The following FERRY3 variants were observed in gnomAD, a reference collection of about 807,000 sequenced individuals.
FERRY3 encodes FERRY endosomal RAB5 effector complex subunit 3.
the FERRY3 span, among the ~76,000 whole-genome samples, chr12:4,495,472 C>T: frequency 6.6e-6 from 1 of 152,234 alleles, no homozygotes; most frequent in East Asian, 1.9e-4. Context: ...TTATTTCAGG[C>T]TAAGGTCAAG....
chr12:4,493,410 T>C, the FERRY3 span, among the ~76,000 whole-genome samples: 15 of 152,234 alleles, frequency 9.9e-5, no homozygotes, highest in Non-Finnish European at 5.9e-5. Context: ...CATGGACATT[T>C]AAAAAGAATG....
At chr12:4,505,178 G>A in the FERRY3 span, 2 of 663,914 alleles carry the variant, frequency 3.0e-6, no homozygotes, top group East Asian at 2.7e-5. Context: ...GGTACAAAGT[G>A]TTGTTTCAAA....
the FERRY3 span, chr12:4,509,367 C>CG: frequency 5.9e-6 from 1 of 170,086 alleles, no homozygotes; most frequent in Non-Finnish European, 1.2e-5. Flanking sequence ...ACAAAGCAGC[C>CG]GGGAAGCTCC....
the FERRY3 span, among the ~76,000 whole-genome samples, chr12:4,510,114 C>A: frequency 2.2e-5 from 3 of 139,236 alleles, no homozygotes; most frequent in African/African-American, 9.2e-5. Flanking sequence ...GCCTCAGGAG[C>A]CGATGCGATC....
chr12:4,521,272 T>C, the FERRY3 span, among the ~76,000 whole-genome samples: 2 of 152,184 alleles, frequency 1.3e-5, no homozygotes, highest in East Asian at 3.9e-4. Context: ...GGCAGGAGAA[T>C]TGCTTGAACG....
chr12:4,522,404 A>G, the FERRY3 span, among the ~76,000 whole-genome samples: 14 of 152,330 alleles, frequency 9.2e-5, no homozygotes, highest in East Asian at 2.7e-3. Flanking sequence ...ATAAGAAGAC[A>G]CATTTTTCCA....
the FERRY3 span, among the ~76,000 whole-genome samples, chr12:4,523,666 G>A: frequency 1.3e-5 from 2 of 152,164 alleles, no homozygotes; most frequent in African/African-American, 2.4e-5. Flanking sequence ...GTAGGGATAT[G>A]GATGAAGCTG....
At chr12:4,495,370 T>C in the FERRY3 span, among the ~76,000 whole-genome samples, 27 of 152,334 alleles carry the variant, frequency 1.8e-4, 1 homozygote, top group Middle Eastern at 3.4e-3. Context: ...ACTGTTTTAA[T>C]GAAGCACTCA....
chr12:4,515,339 C>T, the FERRY3 span, among the ~76,000 whole-genome samples: 134 of 152,170 alleles, frequency 8.8e-4, 2 homozygotes, highest in African/African-American at 3.1e-3. Flanking sequence ...TGTATATATC[C>T]GAAGGAAATG....
chr12:4,492,517 T>C, the FERRY3 span, among the ~76,000 whole-genome samples: 2 of 152,216 alleles, frequency 1.3e-5, no homozygotes, highest in African/African-American at 4.8e-5. Flanking sequence ...GATTATTAAT[T>C]ACCAAACCTT....
At chr12:4,490,683 C>T in the FERRY3 span, 3 of 979,598 alleles carry the variant, frequency 3.1e-6, no homozygotes, top group South Asian at 1.5e-5. Flanking sequence ...CACTGTGGGG[C>T]TTCATGTCTT....
chr12:4,498,012 A>G, the FERRY3 span, among the ~76,000 whole-genome samples: 1 of 152,244 alleles, frequency 6.6e-6, no homozygotes, highest in South Asian at 2.1e-4. Flanking sequence ...ATGGATGTTT[A>G]AATACAACAA....
chr12:4,525,331 G>A, the FERRY3 span: 6 of 1,613,382 alleles, frequency 3.7e-6, no homozygotes, highest in South Asian at 5.5e-5. Flanking sequence ...GTTTTTGGAT[G>A]GCAGTTGATT....
the FERRY3 span, among the ~76,000 whole-genome samples, chr12:4,499,397 T>G: frequency 6.6e-6 from 1 of 152,188 alleles, no homozygotes; most frequent in Non-Finnish European, 1.5e-5. Context: ...CTATGACTTG[T>G]CTGGACCTGT....
the FERRY3 span, chr12:4,500,446 A>T: frequency 1.1e-6 from 1 of 942,812 alleles, no homozygotes; most frequent in South Asian, 1.5e-5. Flanking sequence ...TTGAACTAGT[A>T]GGGGTGTATC....
chr12:4,490,820 T>C, the FERRY3 span, among the ~76,000 whole-genome samples: 5 of 152,188 alleles, frequency 3.3e-5, no homozygotes, highest in African/African-American at 7.2e-5. Context: ...TTATTTATGA[T>C]TTCTCAAATC....
the FERRY3 span, among the ~76,000 whole-genome samples, chr12:4,528,621 G>A: frequency 5.0e-4 from 76 of 152,110 alleles, no homozygotes; most frequent in African/African-American, 1.5e-3. Context: ...GAGAATAAGT[G>A]GTCCAGAGGA....
the FERRY3 span, among the ~76,000 whole-genome samples, chr12:4,513,292 A>G: frequency 6.6e-6 from 1 of 151,190 alleles, no homozygotes; most frequent in African/African-American, 2.4e-5. Context: ...GGAAGAATCA[A>G]TATCGTGAAA....
the FERRY3 span, chr12:4,530,169 T>TATATATGTGTGTGTAA: frequency 1.2e-6 from 1 of 823,786 alleles, no homozygotes; most frequent in Non-Finnish European, 1.8e-6. Flanking sequence ...CCCTCTTATA[T>TATATATGTGTGTGTAA]ATATATGTGT....
Sources: gnomAD v4.1 joint callset for allele counts (sites outside exome capture counted in the v4.1 genomes callset) on GRCh38, gnomAD v4.1.1 for gene constraint, MANE v1.5 for transcripts, NCBI Gene and HGNC (gene_info 2026-07-23, HGNC 2026-07-21) for gene names.